SERINC5: variants seen among roughly 807,000 people sequenced by gnomAD.
SERINC5 encodes serine incorporator 5.
A neutral mutation model predicts 63.1 loss-of-function variants in SERINC5; 41 were observed. That is an observed-to-expected ratio of 0.65 (90% CI 0.51 to 0.84). The LOEUF is 0.84. Among genes scored for constraint, SERINC5 ranks in the 40% least tolerant of loss-of-function variants. The pLI is 0.00. For missense variants in SERINC5, 523 were observed against 573.0 expected (o/e 0.91, Z 0.89); for synonymous variants, 222 against 215.2 (o/e 1.03, Z -0.28).
chr5:80,136,988 T>C (rs150017508), downstream of SERINC5, among the ~76,000 whole-genome samples: 4 of 151,412 alleles, frequency 2.6e-5, no homozygotes, highest in African/African-American at 7.3e-5. Context: ...AATACAAAAA[T>C]TAGCCAGGCA....
rs568698298 is a variant in SERINC5, at chr5:80,142,449, T to C, written c.*1214A>G. Reference sequence around the variant, plus strand: ...GGTTTCACCATGTTAGCCAGGCTGGTCTTGCAACTCCTGACCTCAAGTGAT... The same window carrying C: ...GGTTTCACCATGTTAGCCAGGCTGGCCTTGCAACTCCTGACCTCAAGTGAT... On this transcript the variant is annotated 3_prime_UTR_variant, in exon 12 of 12. Coordinates refer to ENST00000507668, the MANE Select transcript of SERINC5 (RefSeq NM_001174072.3). 1 of 963,152 alleles carries C rather than the reference T, an allele frequency of 1.0e-6. No homozygotes were observed. Among genetic ancestry groups the C allele is most frequent in the African/African-American group, 1.8e-5 (1 of 56,814 alleles). The allele number at this position is 963,152 out of a possible 1,614,324, so 59.7% of individuals were successfully genotyped here. A position where few individuals can be genotyped will look rare whatever the true frequency, so the allele number is the denominator to read the frequency against.
chr5:80,203,370 C>T (rs889593008), intron 1 of SERINC5: 5 of 151,400 alleles, frequency 3.3e-5, no homozygotes, highest in East Asian at 1.9e-4. Flanking sequence ...CACACACACA[C>T]ATATATATAT....
chr5:80,202,104 G>T (rs1749873768), intron 2 of SERINC5, among the ~76,000 whole-genome samples: 1 of 151,954 alleles, frequency 6.6e-6, no homozygotes, highest in South Asian at 2.1e-4. Context: ...TGGCCGTGGT[G>T]GGGGGCACCT....
chr5:80,215,300 A>G (rs1026915146), intron 1 of SERINC5, among the ~76,000 whole-genome samples: 1 of 152,100 alleles, frequency 6.6e-6, no homozygotes, highest in African/African-American at 2.4e-5. Context: ...TGCTCCTGCC[A>G]TGTAAGACAC....
At chr5:80,240,910 T>C (rs1751911512) in intron 1 of SERINC5, among the ~76,000 whole-genome samples, 1 of 152,186 alleles carries the variant, frequency 6.6e-6, no homozygotes, top group Non-Finnish European at 1.5e-5. Context: ...TGGGCTCAAG[T>C]GATCCGCCCA....
chr5:80,254,125 C>T (rs1465386684), intron 1 of SERINC5, among the ~76,000 whole-genome samples: 1 of 152,128 alleles, frequency 6.6e-6, no homozygotes, highest in Admixed American at 6.5e-5. Flanking sequence ...GGTTTCTCCA[C>T]GTTGGTCAGG....
At chr5:80,198,633 G>T (rs766290567) in intron 2 of SERINC5, 1 of 985,256 alleles carries the variant, frequency 1.0e-6, no homozygotes, top group African/African-American at 1.7e-5. Flanking sequence ...ACAAAGAGGG[G>T]GTAAGGACTC....
intron 1 of SERINC5, among the ~76,000 whole-genome samples, chr5:80,222,231 C>T (rs992770096): frequency 6.6e-6 from 1 of 152,096 alleles, no homozygotes; most frequent in Non-Finnish European, 1.5e-5. Context: ...GAGGAACAAA[C>T]ACAGAGGACG....
intron 1 of SERINC5, among the ~76,000 whole-genome samples, chr5:80,254,583 A>G (rs565484276): frequency 1.3e-5 from 2 of 152,296 alleles, no homozygotes; most frequent in African/African-American, 4.8e-5. Flanking sequence ...CATATTGGAG[A>G]AAAAGTATTT....
intron 11 of SERINC5, among the ~76,000 whole-genome samples, chr5:80,120,093 A>G (rs76301721): frequency 6.6e-6 from 1 of 152,314 alleles, no homozygotes; most frequent in Non-Finnish European, 1.5e-5. Flanking sequence ...CTGTCAGGGT[A>G]GTGGTGTTAA....
intron 1 of SERINC5, among the ~76,000 whole-genome samples, chr5:80,231,009 G>C (rs955322795): frequency 1.9e-5 from 2 of 103,772 alleles, no homozygotes; most frequent in African/African-American, 5.5e-5. Context: ...ACTGGGTTTT[G>C]CCCGGCTGGT....
At chr5:80,120,943 A>G (rs747646703) in intron 11 of SERINC5, among the ~76,000 whole-genome samples, 1 of 152,084 alleles carries the variant, frequency 6.6e-6, no homozygotes, top group Non-Finnish European at 1.5e-5. Flanking sequence ...GCTGGAGTGC[A>G]ATGGCGCGAT....
At chr5:80,206,493 GC>G (rs1388729172) in intron 1 of SERINC5, among the ~76,000 whole-genome samples, 2 of 152,122 alleles carry the variant, frequency 1.3e-5, no homozygotes, top group Non-Finnish European at 2.9e-5. Context: ...GATTTTCCAA[GC>G]CAGCTTCCTC....
rs143311936 is a variant in SERINC5, at chr5:80,152,990, T to C, written c.987-2042A>G. ...GTAAATATTCTACTCTATAAATTCT[T>C]TGGGTTAACGTAATTTCCGGAAAAC... On this transcript the variant is annotated intron_variant, in intron 8 of 11. Transcript: ENST00000507668. Among the ~76,000 whole-genome samples the C allele has an allele frequency of 9.9e-5, 15 of 152,278 alleles. No individual in the cohort carries two copies. The East Asian group carries it at 2.9e-3, about 29-fold the overall frequency.
At chr5:80,205,795 C>T (rs1041539123) in intron 1 of SERINC5, among the ~76,000 whole-genome samples, 44 of 152,020 alleles carry the variant, frequency 2.9e-4, no homozygotes, top group Admixed American at 1.3e-3. Context: ...TGGCCAGGCA[C>T]GGTGGCTCAC....
chr5:80,197,383 G>A (rs1020224229), intron 2 of SERINC5, among the ~76,000 whole-genome samples: 4 of 151,488 alleles, frequency 2.6e-5, no homozygotes, highest in Non-Finnish European at 5.9e-5. Flanking sequence ...GACACAGAGG[G>A]CTATATATTG....
At chr5:80,183,498 C>A (rs1406448065) in intron 2 of SERINC5, among the ~76,000 whole-genome samples, 1 of 151,986 alleles carries the variant, frequency 6.6e-6, no homozygotes, top group Non-Finnish European at 1.5e-5. Flanking sequence ...GTGACTTGCA[C>A]GTATCCCCTG....
In SERINC5 at chr5:80,139,643, A is replaced by G. The variant is rs1745385414; in HGVS notation, c.*4020T>C. 6.1e-6 allele frequency: 6 copies of G among 984,114 alleles called. No homozygotes were observed. The highest frequency in any genetic ancestry group is 7.2e-6 in the Non-Finnish European group (6 of 829,800). 61.0% of individuals were successfully genotyped at this position (984,114 alleles called of 1,614,324 possible). ...TAAACATCTGTGTGAACAGCTCTCC[A>G]GTACTGTGAAGTCAAAGGCCCAACA... On this transcript the variant is annotated 3_prime_UTR_variant, in exon 12 of 12. Transcript: ENST00000507668.
At chr5:80,194,914 C>A (rs1749408516) in intron 2 of SERINC5, among the ~76,000 whole-genome samples, 1 of 152,184 alleles carries the variant, frequency 6.6e-6, no homozygotes, top group African/African-American at 2.4e-5. Context: ...AGCCACTTCA[C>A]TTCCTGGGCC....
Sources: gnomAD v4.1 joint callset for allele counts (sites outside exome capture counted in the v4.1 genomes callset) on GRCh38, gnomAD v4.1.1 for gene constraint, MANE v1.5 for transcripts, NCBI Gene and HGNC (gene_info 2026-07-23, HGNC 2026-07-21) for gene names.